The following SCOC variants were observed in gnomAD, a reference collection of about 807,000 sequenced individuals.
The protein encoded by SCOC is short coiled-coil protein, also known as short coiled coil protein.
SCOC carries 7 observed loss-of-function variants against 9.9 expected under a neutral mutation model. The ratio of observed to expected loss-of-function variants is 0.71; its 90% CI spans 0.40 to 1.33. SCOC has a LOEUF of 1.33. SCOC is among the 40% of genes most tolerant of loss of function. The probability of loss-of-function intolerance (pLI) is 0.01; values close to 1 mark genes in which losing one functional copy is unlikely to be tolerated. For missense variants in SCOC, 66 were observed against 89.7 expected (o/e 0.74, Z 1.07); for synonymous variants, 19 against 28.2 (o/e 0.67, Z 1.03).
chr4:140,275,286 C>G, intron 1 of SCOC, among the ~76,000 whole-genome samples: 1 of 152,200 alleles, frequency 6.6e-6, no homozygotes, highest in East Asian at 1.9e-4. Context: ...TGTAGACCAC[C>G]ACCTGCATGA....
chr4:140,295,388 C>T (rs1362256403), intron 1 of SCOC, among the ~76,000 whole-genome samples: 1 of 152,184 alleles, frequency 6.6e-6, no homozygotes, highest in Non-Finnish European at 1.5e-5. Context: ...GTGAATGTGA[C>T]CTCTGCCATA....
At chr4:140,297,093 G>A (rs1357997676) in intron 1 of SCOC, among the ~76,000 whole-genome samples, 1 of 152,144 alleles carries the variant, frequency 6.6e-6, no homozygotes, top group Non-Finnish European at 1.5e-5. Context: ...CACATTTTCT[G>A]CCCTAAGTTA....
At chr4:140,350,180 C>T (rs1726916895) in intron 2 of SCOC, among the ~76,000 whole-genome samples, 1 of 152,202 alleles carries the variant, frequency 6.6e-6, no homozygotes, top group African/African-American at 2.4e-5. Flanking sequence ...GAAGCTTTCC[C>T]TGATCTTCCC....
chr4:140,330,724 G>GA (rs1732793992), intron 1 of SCOC, among the ~76,000 whole-genome samples: 1 of 152,226 alleles, frequency 6.6e-6, no homozygotes, highest in Non-Finnish European at 1.5e-5. Context: ...AAATGACTTT[G>GA]AAAGTTTTAA....
intron 1 of SCOC, among the ~76,000 whole-genome samples, chr4:140,325,271 C>T (rs1732612126): frequency 6.6e-6 from 1 of 151,834 alleles, no homozygotes; most frequent in Non-Finnish European, 1.5e-5. Context: ...TTAGATACAA[C>T]AATAAAAGCA....
At chr4:140,288,720 A>G (rs1192512173) in intron 1 of SCOC, among the ~76,000 whole-genome samples, 1 of 151,936 alleles carries the variant, frequency 6.6e-6, no homozygotes, top group Non-Finnish European at 1.5e-5. Flanking sequence ...ACACACACAT[A>G]TACAAGTTAC....
intron 1 of SCOC, among the ~76,000 whole-genome samples, chr4:140,260,183 T>G (rs1279856389): frequency 6.6e-6 from 1 of 152,252 alleles, no homozygotes; most frequent in Non-Finnish European, 1.5e-5. Flanking sequence ...GGTGAACTCC[T>G]CACAGATCTC....
intron 2 of SCOC, among the ~76,000 whole-genome samples, chr4:140,348,582 A>ACACACG (rs1726844616): frequency 6.6e-6 from 1 of 152,116 alleles, no homozygotes; most frequent in Admixed American, 6.5e-5. Flanking sequence ...ATATACGCAC[A>ACACACG]CACACACACA....
chr4:140,365,912 T>A (rs1727773134), intron 2 of SCOC, among the ~76,000 whole-genome samples: 1 of 152,088 alleles, frequency 6.6e-6, no homozygotes, highest in Non-Finnish European at 1.5e-5. Context: ...TTTGGGGGAG[T>A]CAAAAGTTAT....
chr4:140,371,201 TGA>T (rs1311449489), upstream of SCOC, among the ~76,000 whole-genome samples: 1 of 152,172 alleles, frequency 6.6e-6, no homozygotes, highest in Non-Finnish European at 1.5e-5. Context: ...CTTTATATTT[TGA>T]GAGTTTTACT....
At chr4:140,375,976 A>G (rs184789159) in intron 1 of SCOC, among the ~76,000 whole-genome samples, 2 of 152,152 alleles carry the variant, frequency 1.3e-5, no homozygotes, top group East Asian at 3.9e-4. Flanking sequence ...TTTTCATCAG[A>G]TTTGCGTTTA....
chr4:140,375,326 C>G (rs533967948), intron 1 of SCOC, among the ~76,000 whole-genome samples: 1 of 152,178 alleles, frequency 6.6e-6, no homozygotes, highest in South Asian at 2.1e-4. Flanking sequence ...GGTACTGTTG[C>G]CAACACATTG....
chr4:140,321,845 T>C (rs1326286871), intron 1 of SCOC, among the ~76,000 whole-genome samples: 3 of 152,204 alleles, frequency 2.0e-5, no homozygotes, highest in African/African-American at 7.2e-5. Context: ...CTCAGATTCA[T>C]GTGTTAAAAA....
At chr4:140,310,337 A>T (rs1166843052) in intron 1 of SCOC, among the ~76,000 whole-genome samples, 1 of 152,180 alleles carries the variant, frequency 6.6e-6, no homozygotes, top group Non-Finnish European at 1.5e-5. Context: ...GGGGGAAGTC[A>T]CAAGTTTCTC....
rs556253375 is a variant in SCOC, at chr4:140,361,753, T to C, written c.71-17368T>C. Among the ~76,000 whole-genome samples the C allele has an allele frequency of 5.3e-5, 8 of 152,290 alleles. No individual in the cohort carries two copies. The East Asian group carries it at 1.4e-3, about 26-fold the overall frequency. On this transcript the variant is annotated intron_variant, in intron 2 of 4. Transcript: ENST00000338517. Reference sequence around the variant, plus strand: ...TAATACCTTGAAACGTAAAGAGTCATGGAGATCTCCTGTGAAGAAACTTCT... The same window carrying C: ...TAATACCTTGAAACGTAAAGAGTCACGGAGATCTCCTGTGAAGAAACTTCT...
intron 1 of SCOC, among the ~76,000 whole-genome samples, chr4:140,288,672 A>G (rs989886899): frequency 7.2e-5 from 11 of 152,006 alleles, no homozygotes; most frequent in African/African-American, 2.7e-4. Context: ...GCACACATGT[A>G]TATATACCAC....
chr4:140,374,596 T>C (rs760665481), intron 1 of SCOC, among the ~76,000 whole-genome samples: 1 of 152,172 alleles, frequency 6.6e-6, no homozygotes, highest in Non-Finnish European at 1.5e-5. Flanking sequence ...CTTGAACAGA[T>C]CTGAACAGAC....
chr4:140,336,870 C>G lies in SCOC; in HGVS notation c.-18-6751C>G, dbSNP rs566819481. 1.5e-4 allele frequency among the ~76,000 whole-genome samples: 23 copies of G among 152,184 alleles called. 1 individual carries two copies. The highest frequency in any genetic ancestry group is 2.9e-5 in the Non-Finnish European group (2 of 68,022). On this transcript the variant is annotated intron_variant, in intron 1 of 4. Transcript: ENST00000394205. ...GCAATATACAAATGTTTCTATTTCTCCATATCTTCACCAATGCTTAATTCC... is the reference window on the plus strand; with the variant it reads ...GCAATATACAAATGTTTCTATTTCTGCATATCTTCACCAATGCTTAATTCC...
At chr4:140,288,135 G>A (rs942976714) in intron 1 of SCOC, among the ~76,000 whole-genome samples, 3 of 151,660 alleles carry the variant, frequency 2.0e-5, no homozygotes, top group African/African-American at 7.3e-5. Context: ...ACCACACACA[G>A]CACACACTTT....
Sources: allele counts gnomAD v4.1 joint callset (sites outside exome capture counted in the v4.1 genomes callset), GRCh38; gene constraint gnomAD v4.1.1; transcripts MANE v1.5; gene names NCBI Gene and HGNC (gene_info 2026-07-23, HGNC 2026-07-21).